ADGRF5: variants seen among roughly 807,000 people sequenced by gnomAD.
The protein encoded by ADGRF5 is adhesion G protein-coupled receptor F5, also known as G-protein coupled receptor 116.
ADGRF5 carries 75 observed loss-of-function variants against 132.3 expected under a neutral mutation model. The observed-to-expected ratio is 0.57, with a 90% CI of 0.47 to 0.69. The LOEUF (loss-of-function observed/expected upper bound fraction) is 0.69, where lower values mean the gene tolerates loss of function less well. ADGRF5 is among the 30% of genes least tolerant of loss of function. The pLI is 0.00. For missense variants in ADGRF5, 1,516 were observed against 1,630.6 expected (o/e 0.93, Z 1.21); for synonymous variants, 629 against 597.6 (o/e 1.05, Z -0.77).
chr6:46,866,058 G>A (rs1219756672), intron 13 of ADGRF5, among the ~76,000 whole-genome samples: 1 of 152,104 alleles, frequency 6.6e-6, no homozygotes, highest in African/African-American at 2.4e-5. Context: ...GAATCCCTAG[G>A]GATCTGGATT....
intron 3 of ADGRF5, among the ~76,000 whole-genome samples, chr6:46,894,949 C>A (rs987607336): frequency 3.3e-5 from 5 of 152,098 alleles, no homozygotes; most frequent in Admixed American, 6.5e-5. Context: ...GAAGCCAAGG[C>A]GGGCAGATCA....
At chr6:46,869,187 AGG>A in intron 11 of ADGRF5, 95 bp from the exon 12 acceptor site, 1 of 1,522,432 alleles carries the variant, frequency 6.6e-7, no homozygotes, top group Admixed American at 2.1e-5. Flanking sequence ...AACTTCAGAG[AGG>A]GACAGAAAAA....
intron 10 of ADGRF5, among the ~76,000 whole-genome samples, chr6:46,877,234 T>C (rs1009874651): frequency 2.9e-4 from 7 of 23,928 alleles, no homozygotes; most frequent in Non-Finnish European, 4.7e-4. Context: ...TCTCTTTCTT[T>C]CTTTCTTTCT....
intron 3 of ADGRF5, among the ~76,000 whole-genome samples, chr6:46,890,298 G>T (rs1233810465): frequency 1.3e-5 from 2 of 152,000 alleles, no homozygotes; most frequent in Admixed American, 6.5e-5. Flanking sequence ...TCGCCATGTT[G>T]CCCAGGCTTG....
At position 46,882,748 on chromosome 6, in the gene ADGRF5, T is replaced by C. The variant is rs1243679325; in HGVS notation, c.613-641A>G. On this transcript the variant is annotated intron_variant, in intron 6 of 20. Coordinates refer to ENST00000283296, the MANE Select transcript of ADGRF5 (RefSeq NM_001098518.2). ...GGAGGGTTCTCCTGCTGTGCAGACA[T>C]ATTACATGCCAGAAATGTAAATCAA... 2.0e-5 allele frequency among the ~76,000 whole-genome samples: 3 copies of C among 152,336 alleles called. No individual in the cohort carries two copies. In the East Asian group the frequency reaches 5.8e-4, roughly 29 times the overall value.
At chr6:46,860,951 T>G in intron 15 of ADGRF5, 57 bp from the exon 16 acceptor site, 1 of 1,357,526 alleles carries the variant, frequency 7.4e-7, no homozygotes, top group Non-Finnish European at 1.0e-6. Context: ...AGCTATCGAA[T>G]CCAGCTGATC....
chr6:46,855,540 A>C (rs1290614007), intron 20 of ADGRF5, among the ~76,000 whole-genome samples: 1 of 152,226 alleles, frequency 6.6e-6, no homozygotes, highest in African/African-American at 2.4e-5. Context: ...AAAAAAGGAA[A>C]ACAAACCTAC....
chr6:46,889,644 C>T (rs1773441254), intron 3 of ADGRF5, among the ~76,000 whole-genome samples: 1 of 145,172 alleles, frequency 6.9e-6, no homozygotes, highest in Non-Finnish European at 1.5e-5. Flanking sequence ...TCCACCTTGA[C>T]TATGGTAGTC....
chr6:46,857,470 C>A (rs1276903349), intron 17 of ADGRF5, among the ~76,000 whole-genome samples: 1 of 152,192 alleles, frequency 6.6e-6, no homozygotes, highest in South Asian at 2.1e-4. Flanking sequence ...TTGGGTGAAA[C>A]AGAATTAATC....
chr6:46,902,729 C>T (rs551854993), intron 2 of ADGRF5, among the ~76,000 whole-genome samples: 112 of 152,312 alleles, frequency 7.4e-4, no homozygotes, highest in Non-Finnish European at 1.4e-3. Flanking sequence ...ACAGCCTCTT[C>T]GTTGTCCAGT....
At chr6:46,877,373 CTTTCT>C (rs762694658) in intron 10 of ADGRF5, among the ~76,000 whole-genome samples, 4,943 of 54,820 alleles carry the variant, frequency 0.09, 413 homozygotes, top group East Asian at 0.19. Context: ...TTCTTTCTTT[CTTTCT>C]TTCTTTCTTC....
chr6:46,872,666 T>C (rs890509298), intron 10 of ADGRF5, among the ~76,000 whole-genome samples: 1 of 152,148 alleles, frequency 6.6e-6, no homozygotes, highest in African/African-American at 2.4e-5. Context: ...CATACCTTTC[T>C]TTCCTTTCCC....
intron 10 of ADGRF5, among the ~76,000 whole-genome samples, chr6:46,873,392 G>C (rs1400570656): frequency 5.9e-5 from 9 of 152,066 alleles, no homozygotes; most frequent in Admixed American, 5.9e-4. Context: ...AAGGCCAACA[G>C]TGACCTCCCC....
intron 9 of ADGRF5, among the ~76,000 whole-genome samples, 195 bp from the exon 10 acceptor site, chr6:46,878,600 G>A (rs1448216398): frequency 2.6e-5 from 4 of 152,152 alleles, no homozygotes; most frequent in African/African-American, 4.8e-5. Flanking sequence ...CCACAAAGTG[G>A]AGTACAGAGA....
At chr6:46,931,532 C>A (rs1777556328) in intron 1 of ADGRF5, among the ~76,000 whole-genome samples, 1 of 152,164 alleles carries the variant, frequency 6.6e-6, no homozygotes, top group Admixed American at 6.5e-5. Flanking sequence ...TTCTTATAAA[C>A]CACAAGACAT....
rs532268068 is a variant in ADGRF5 at position 46,913,337 on chromosome 6, A to G, written c.-24-6551T>C. On this transcript the variant is annotated intron_variant, in intron 1 of 20. Transcript: ENST00000283296. ...AACATAGTGAAACCCTGTCTCTACT[A>G]AAAATACAAAAATCAGCCAGGCATT... Among the ~76,000 whole-genome samples, 8 of 152,312 alleles carry G rather than the reference A, an allele frequency of 5.3e-5. No homozygotes were observed. The South Asian group carries it at 1.5e-3, about 28-fold the overall frequency.
At chr6:46,945,640 T>C (rs1036038532) in intron 1 of ADGRF5, among the ~76,000 whole-genome samples, 6 of 152,180 alleles carry the variant, frequency 3.9e-5, no homozygotes, top group Non-Finnish European at 1.5e-5. Flanking sequence ...TGCACAGGGA[T>C]GGGGTGACCT....
At chr6:46,929,510 A>AAAAATG (rs1777445561) in intron 1 of ADGRF5, among the ~76,000 whole-genome samples, 1 of 130,982 alleles carries the variant, frequency 7.6e-6, no homozygotes, top group Admixed American at 8.2e-5. Context: ...AAATAAAAAT[A>AAAAATG]AAAATAAAAA....
intron 1 of ADGRF5, among the ~76,000 whole-genome samples, chr6:46,936,933 C>A (rs892634975): frequency 2.0e-5 from 3 of 152,160 alleles, no homozygotes; most frequent in Admixed American, 6.6e-5. Context: ...GGGGGATCCC[C>A]CTCTCCCATA....
Sources: gnomAD v4.1 joint callset for allele counts (sites outside exome capture counted in the v4.1 genomes callset) on GRCh38, gnomAD v4.1.1 for gene constraint, MANE v1.5 for transcripts, NCBI Gene and HGNC (gene_info 2026-07-23, HGNC 2026-07-21) for gene names.